TAFA2: variants seen among roughly 807,000 people sequenced by gnomAD.
The protein encoded by TAFA2 is chemokine-like protein TAFA-2.
A neutral mutation model predicts 18.8 loss-of-function variants in TAFA2; 7 were observed. That is an observed-to-expected ratio of 0.37 (90% CI 0.21 to 0.70). TAFA2 has a LOEUF of 0.70. TAFA2 is among the 30% of genes least tolerant of loss of function. The probability of loss-of-function intolerance (pLI) is 0.53; values close to 1 mark genes in which losing one functional copy is unlikely to be tolerated. For missense variants in TAFA2, 122 were observed against 158.1 expected, an observed-to-expected ratio of 0.77 and a Z score of 1.23; for synonymous variants, 60 against 54.2, an observed-to-expected ratio of 1.11 and a Z score of -0.47.
intron 1 of TAFA2, among the ~76,000 whole-genome samples, chr12:61,950,498 C>T (rs771421677): frequency 1.3e-5 from 2 of 151,990 alleles, no homozygotes; most frequent in Non-Finnish European, 2.9e-5. Context: ...GATTTTCATT[C>T]CTATGACGAT....
intron 2 of TAFA2, among the ~76,000 whole-genome samples, chr12:61,839,689 C>G (rs1172630523): frequency 6.6e-6 from 1 of 151,912 alleles, no homozygotes; most frequent in Non-Finnish European, 1.5e-5. Context: ...CAAATGGGAG[C>G]TAAACATTTG....
At chr12:62,203,339 G>A (rs2062679598) in intron 1 of TAFA2, among the ~76,000 whole-genome samples, 2 of 152,348 alleles carry the variant, frequency 1.3e-5, no homozygotes, top group South Asian at 4.1e-4. Flanking sequence ...GAGTTCTGTA[G>A]ATATTTATCA....
chr12:62,120,735 C>G (rs1194947150), intron 1 of TAFA2, among the ~76,000 whole-genome samples: 1 of 152,100 alleles, frequency 6.6e-6, no homozygotes, highest in African/African-American at 2.4e-5. Flanking sequence ...CTCTCCTGTT[C>G]TATCTCTTTA....
intron 2 of TAFA2, among the ~76,000 whole-genome samples, chr12:61,800,265 G>A (rs1184905879): frequency 6.6e-6 from 1 of 152,084 alleles, no homozygotes; most frequent in African/African-American, 2.4e-5. Flanking sequence ...TAGGAAGTTG[G>A]TAATATTCTT....
intron 1 of TAFA2, chr12:62,252,160 C>A (rs2062917291): frequency 6.6e-6 from 1 of 152,264 alleles, no homozygotes; most frequent in Admixed American, 6.5e-5. Context: ...AGTCACTCAT[C>A]CTTGAGAGTC....
intron 1 of TAFA2, among the ~76,000 whole-genome samples, chr12:62,010,900 G>A (rs4763002): frequency 0.041 from 3,660 of 90,116 alleles, 244 homozygotes; most frequent in East Asian, 0.087. Flanking sequence ...GGTGGGGAGC[G>A]CCTCTGCCCG....
intron 1 of TAFA2, among the ~76,000 whole-genome samples, chr12:61,904,873 T>A (rs1876274990): frequency 6.6e-6 from 1 of 152,200 alleles, no homozygotes; most frequent in South Asian, 2.1e-4. Flanking sequence ...AGTTAATAAA[T>A]GTTTCATTGT....
intron 1 of TAFA2, among the ~76,000 whole-genome samples, chr12:62,250,035 CAG>C (rs1464655769): frequency 1.3e-5 from 2 of 152,218 alleles, no homozygotes; most frequent in Non-Finnish European, 2.9e-5. Context: ...TTATTTGTCT[CAG>C]ATTCTGATGT....
At chr12:61,872,152 A>G (rs1028848958) in intron 1 of TAFA2, among the ~76,000 whole-genome samples, 2 of 152,198 alleles carry the variant, frequency 1.3e-5, no homozygotes, top group Admixed American at 1.3e-4. Context: ...TAACTGGTCT[A>G]TAAACAAAAA....
chr12:61,915,700 G>A (rs1382406982), intron 1 of TAFA2, among the ~76,000 whole-genome samples: 1 of 152,174 alleles, frequency 6.6e-6, no homozygotes, highest in Non-Finnish European at 1.5e-5. Flanking sequence ...TTAAGTCCCA[G>A]ACTCCGAAAG....
chr12:62,029,811 ATCTCTCTC>A (rs71450570), intron 1 of TAFA2, among the ~76,000 whole-genome samples: 33 of 145,994 alleles, frequency 2.3e-4, no homozygotes, highest in East Asian at 8.3e-4. Flanking sequence ...ATGTCTTCCT[ATCTCTCTC>A]TCTCTCTCTC....
chr12:62,122,001 A>G (rs1870218691), intron 1 of TAFA2, among the ~76,000 whole-genome samples: 1 of 152,240 alleles, frequency 6.6e-6, no homozygotes, highest in East Asian at 1.9e-4. Flanking sequence ...ATTCTCACTT[A>G]TAAGTGGAAG....
In TAFA2 at chr12:61,815,761, G is replaced by A. The variant is rs138728488; in HGVS notation, c.106+51559C>T. Among the ~76,000 whole-genome samples, 590 of 151,170 alleles carry A rather than the reference G, an allele frequency of 3.9e-3. 29 individuals carry two copies. Among genetic ancestry groups the A allele is most frequent in the African/African-American group, 0.013 (546 of 40,622 alleles). ...ATTTGAGAGACAGAATTTGAGAATCGCAGTATTTAGATGGCATTTACAGCT... is the reference window on the plus strand; with the variant it reads ...ATTTGAGAGACAGAATTTGAGAATCACAGTATTTAGATGGCATTTACAGCT... On this transcript the variant is annotated intron_variant, in intron 2 of 4. Coordinates refer to ENST00000416284, the MANE Select transcript of TAFA2 (RefSeq NM_178539.5).
intron 2 of TAFA2, among the ~76,000 whole-genome samples, chr12:61,862,939 T>C (rs1185475231): frequency 6.6e-6 from 1 of 152,232 alleles, no homozygotes; most frequent in Non-Finnish European, 1.5e-5. Flanking sequence ...TTTCCACTTC[T>C]AGAATAAACA....
At chr12:62,249,087 T>C (rs1342671961) in intron 1 of TAFA2, among the ~76,000 whole-genome samples, 1 of 152,002 alleles carries the variant, frequency 6.6e-6, no homozygotes, top group Non-Finnish European at 1.5e-5. Context: ...ATTCCTTCCC[T>C]GTGGTTTCAG....
At chr12:62,233,066 C>CTCTTTTTTTTTTTTT (rs2062819516) in intron 1 of TAFA2, among the ~76,000 whole-genome samples, 1 of 39,534 alleles carries the variant, frequency 2.5e-5, no homozygotes, top group African/African-American at 9.5e-5. Context: ...TTCTGCATCT[C>CTCTTTTTTTTTTTTT]TTTTTTTTTT....
chr12:61,773,036 A>C (rs1354063809), intron 2 of TAFA2, among the ~76,000 whole-genome samples: 1 of 152,052 alleles, frequency 6.6e-6, no homozygotes, highest in Non-Finnish European at 1.5e-5. Flanking sequence ...ATGTACACAA[A>C]TCAGTAGCAC....
intron 4 of TAFA2, among the ~76,000 whole-genome samples, chr12:61,717,150 T>C (rs766378824): frequency 6.6e-6 from 1 of 152,224 alleles, no homozygotes; most frequent in African/African-American, 2.4e-5. Context: ...TACTCTGCAG[T>C]AGCAGGTTTT....
chr12:61,860,875 T>C (rs12579930), intron 2 of TAFA2, among the ~76,000 whole-genome samples: 43,938 of 152,148 alleles, frequency 0.29, 6,929 homozygotes, highest in South Asian at 0.4. Context: ...ACTATTTGTG[T>C]TATTATCTGA....
Sources: gnomAD v4.1 joint callset for allele counts (sites outside exome capture counted in the v4.1 genomes callset) on GRCh38, gnomAD v4.1.1 for gene constraint, MANE v1.5 for transcripts, NCBI Gene and HGNC (gene_info 2026-07-23, HGNC 2026-07-21) for gene names.